The following TTC27 variants were observed in gnomAD, a reference collection of about 807,000 sequenced individuals.
TTC27 encodes the protein tetratricopeptide repeat protein 27.
A neutral mutation model predicts 115.9 loss-of-function variants in TTC27; 79 were observed. The ratio of observed to expected loss-of-function variants is 0.68; its 90% CI spans 0.57 to 0.82. The LOEUF is 0.82. Ranked by LOEUF, TTC27 falls within the 40% of genes least tolerant of loss-of-function variation. The probability of loss-of-function intolerance (pLI) is 0.00; values close to 1 mark genes in which losing one functional copy is unlikely to be tolerated. For synonymous variants in TTC27, 401 were observed against 356.0 expected (o/e 1.13, Z -1.42); for missense variants, 1,054 against 993.1 (o/e 1.06, Z -0.82).
intron 12 of TTC27, among the ~76,000 whole-genome samples, chr2:32,741,996 G>A (rs765750740): frequency 2.0e-5 from 3 of 152,208 alleles, no homozygotes; most frequent in Non-Finnish European, 4.4e-5. Context: ...TAAGGAAACT[G>A]TGAGCATATT....
intron 4 of TTC27, among the ~76,000 whole-genome samples, chr2:32,647,245 A>G (rs1664899825): frequency 1.3e-5 from 2 of 152,078 alleles, no homozygotes; most frequent in South Asian, 2.1e-4. Context: ...CTGGCCTTGT[A>G]TTATGTGTTT....
chr2:32,755,087 C>T (rs1384849079), intron 12 of TTC27, among the ~76,000 whole-genome samples: 1 of 152,026 alleles, frequency 6.6e-6, no homozygotes, highest in African/African-American at 2.4e-5. Flanking sequence ...AGACGCTCCT[C>T]ACTTCCTAGA....
chr2:32,695,861 G>A (rs1025002478), intron 9 of TTC27, among the ~76,000 whole-genome samples: 5 of 150,822 alleles, frequency 3.3e-5, no homozygotes, highest in Non-Finnish European at 5.9e-5. Context: ...CCGAGATGGC[G>A]CCGTCGCACT....
At chr2:32,658,553 C>G (rs1411380918) in intron 5 of TTC27, among the ~76,000 whole-genome samples, 1 of 152,168 alleles carries the variant, frequency 6.6e-6, no homozygotes, top group Non-Finnish European at 1.5e-5. Flanking sequence ...TCTCTTTTAG[C>G]TTGAATGATG....
chr2:32,633,771 G>T, intron 2 of TTC27, 105 bp from the exon 3 acceptor site: 1 of 1,304,416 alleles, frequency 7.7e-7, no homozygotes, highest in South Asian at 1.5e-5. Context: ...CTCAATAAAT[G>T]TTGATAGATA....
At chr2:32,705,291 A>G (rs899483342) in intron 10 of TTC27, among the ~76,000 whole-genome samples, 10 of 152,246 alleles carry the variant, frequency 6.6e-5, no homozygotes, top group African/African-American at 2.2e-4. Flanking sequence ...TAGCTGAGGT[A>G]CATGCTTGTA....
chr2:32,698,604 T>G (rs1186481744), intron 9 of TTC27, among the ~76,000 whole-genome samples: 1 of 151,160 alleles, frequency 6.6e-6, no homozygotes, highest in Non-Finnish European at 1.5e-5. Flanking sequence ...CTCAGCCTCC[T>G]GAGTAGCTGG....
chr2:32,723,490 A>G (rs984624056), intron 10 of TTC27, among the ~76,000 whole-genome samples: 1 of 152,064 alleles, frequency 6.6e-6, no homozygotes, highest in Non-Finnish European at 1.5e-5. Context: ...TACACATAGA[A>G]CAGAGGCCAA....
Position 32,683,287 on chromosome 2 carries a change from C to T in TTC27, c.1119+4365C>T, listed in dbSNP as rs575459124. On this transcript the variant is annotated intron_variant, in intron 9 of 19. Coordinates refer to ENST00000317907, the MANE Select transcript of TTC27 (RefSeq NM_017735.5). ...TACAGGGGTGAGCCACCGCGCCCGGCCAATAGAAGTCTTAATACTCCTACC... is the reference window on the plus strand; with the variant it reads ...TACAGGGGTGAGCCACCGCGCCCGGTCAATAGAAGTCTTAATACTCCTACC... Among the ~76,000 whole-genome samples, 15 of 152,210 alleles carry T rather than the reference C, an allele frequency of 9.9e-5. No individual in the cohort carries two copies. In the South Asian group the frequency reaches 3.1e-3, roughly 32 times the overall value.
intron 1 of TTC27, among the ~76,000 whole-genome samples, chr2:32,628,710 T>C (rs2151855906): frequency 6.6e-6 from 1 of 152,088 alleles, no homozygotes; most frequent in South Asian, 2.1e-4. Flanking sequence ...GATCTGTAAA[T>C]ACAGTTGGGT....
chr2:32,738,027 G>C (rs535904417), intron 12 of TTC27, among the ~76,000 whole-genome samples: 1 of 152,116 alleles, frequency 6.6e-6, no homozygotes, highest in African/African-American at 2.4e-5. Flanking sequence ...AAAAAATATT[G>C]ATAGAGTTAT....
intron 3 of TTC27, chr2:32,635,251 A>G (rs1007004162): frequency 6.5e-6 from 1 of 153,360 alleles, no homozygotes; most frequent in Non-Finnish European, 1.5e-5. Context: ...TTATCCAGCC[A>G]CTTTGGTGAT....
intron 12 of TTC27, among the ~76,000 whole-genome samples, chr2:32,752,058 CA>C (rs1669037012): frequency 6.6e-6 from 1 of 152,172 alleles, no homozygotes; most frequent in East Asian, 1.9e-4. Flanking sequence ...TCACTGTGGC[CA>C]TGCTGATTGC....
intron 13 of TTC27, among the ~76,000 whole-genome samples, chr2:32,772,240 A>G (rs1211524190): frequency 6.6e-6 from 1 of 152,146 alleles, no homozygotes; most frequent in East Asian, 1.9e-4. Flanking sequence ...TTCAGCACAC[A>G]TATTTCACAC....
intron 11 of TTC27, 48 bp from the exon 12 acceptor site, chr2:32,736,644 ATC>A (rs1558317297): frequency 2.5e-6 from 4 of 1,608,908 alleles, no homozygotes; most frequent in East Asian, 2.2e-5. Flanking sequence ...TGAAACAGGA[ATC>A]TCTTTTTACA....
At position 32,657,914 on chromosome 2, in the gene TTC27, C is replaced by G. The variant is rs113383574; in HGVS notation, c.641-6389C>G. Among the ~76,000 whole-genome samples, 1,052 of 152,320 alleles carry G rather than the reference C, an allele frequency of 6.9e-3. 11 individuals carry two copies. The highest frequency in any genetic ancestry group is 0.015 in the Admixed American group (229 of 15,308). On this transcript the variant is annotated intron_variant, in intron 5 of 19. Transcript: ENST00000317907. Reference sequence around the variant, plus strand: ...GCACTATCTCAGCTCACTGCAGCCTCCACCTTCGGGGTTCAAGTGATTCTC... The same window carrying G: ...GCACTATCTCAGCTCACTGCAGCCTGCACCTTCGGGGTTCAAGTGATTCTC...
At chr2:32,753,952 G>A (rs1284796239) in intron 12 of TTC27, among the ~76,000 whole-genome samples, 2 of 151,754 alleles carry the variant, frequency 1.3e-5, no homozygotes, top group Non-Finnish European at 2.9e-5. Context: ...GTACATGCCT[G>A]TAATCCCAGC....
intron 9 of TTC27, among the ~76,000 whole-genome samples, chr2:32,682,280 C>T (rs1465523100): frequency 1.3e-5 from 2 of 152,176 alleles, no homozygotes; most frequent in Non-Finnish European, 2.9e-5. Flanking sequence ...GAATAACCAT[C>T]TGTTTCATCT....
intron 13 of TTC27, among the ~76,000 whole-genome samples, chr2:32,759,559 C>G (rs1669361802): frequency 1.3e-5 from 2 of 151,966 alleles, no homozygotes; most frequent in South Asian, 4.2e-4. Flanking sequence ...TGAAACCAGC[C>G]TGGGCAACAT....
Sources: gnomAD v4.1 joint callset for allele counts (sites outside exome capture counted in the v4.1 genomes callset) on GRCh38, gnomAD v4.1.1 for gene constraint, MANE v1.5 for transcripts, NCBI Gene and HGNC (gene_info 2026-07-23, HGNC 2026-07-21) for gene names.